The following SLC25A53 variants were observed in gnomAD, a reference collection of about 807,000 sequenced individuals.
The protein encoded by SLC25A53 is mitochondrial carrier triple repeat protein 6.
A neutral mutation model predicts 15.0 loss-of-function variants in SLC25A53; 5 were observed. The observed-to-expected ratio is 0.33, with a 90% CI of 0.17 to 0.70. The LOEUF (loss-of-function observed/expected upper bound fraction) is 0.70, where lower values mean the gene tolerates loss of function less well. Ranked by LOEUF, SLC25A53 falls within the 30% of genes least tolerant of loss-of-function variation. The pLI, the probability that SLC25A53 is intolerant of heterozygous loss-of-function variation, is 0.67. For synonymous variants in SLC25A53, 95 were observed against 100.0 expected (o/e 0.95, Z 0.30); for missense variants, 216 against 241.6 (o/e 0.89, Z 0.70).
Position 104,103,094 on chromosome X carries a change from A to G in SLC25A53, c.*1240T>C, listed in dbSNP as rs1556353446. 1.9e-5 allele frequency: 2 copies of G among 107,535 alleles called. No individual in the cohort carries two copies. The highest frequency in any genetic ancestry group is 3.8e-5 in the Non-Finnish European group (2 of 52,034). The allele number at this position is 107,535 out of a possible 1,213,427, so 8.9% of individuals were successfully genotyped here. ...GGAGGTTGCAGTGAGCTGAGATCAC[A>G]CCATTGGCACTCCAGCCTGGGCAAC... On this transcript the variant is annotated 3_prime_UTR_variant, in exon 2 of 2. Transcript: ENST00000594199.
chrX:104,148,218 G>A (rs34538913), intron 1 of SLC25A53, among the ~76,000 whole-genome samples: 27,630 of 107,133 alleles, frequency 0.26, 3,384 homozygotes, highest in East Asian at 0.54. Flanking sequence ...ATCAAACACC[G>A]CATGTTCTCA....
At chrX:104,138,390 T>TGG (rs1392280838) in intron 1 of SLC25A53, among the ~76,000 whole-genome samples, 1 of 112,117 alleles carries the variant, frequency 8.9e-6, no homozygotes. Flanking sequence ...GGGTGTGCAA[T>TGG]GGGGGGTGTA....
intron 1 of SLC25A53, among the ~76,000 whole-genome samples, chrX:104,147,316 A>C (rs2075470793): frequency 9.0e-6 from 1 of 111,403 alleles, no homozygotes; most frequent in Admixed American, 9.6e-5. Context: ...GATGGATTAA[A>C]GACTTAAACG....
intron 1 of SLC25A53, chrX:104,114,275 C>T: frequency 9.1e-6 from 11 of 1,210,212 alleles, no homozygotes; most frequent in Non-Finnish European, 1.2e-5. Flanking sequence ...GTGGTGCCAG[C>T]CCAGGGGAAA....
At chrX:104,142,364 TCTGATAA>T (rs2075453055) in intron 1 of SLC25A53, among the ~76,000 whole-genome samples, 2 of 112,405 alleles carry the variant, frequency 1.8e-5, no homozygotes, top group Non-Finnish European at 3.8e-5. Context: ...CTTTTCAATC[TCTGATAA>T]CTAAGTACTA....
intron 1 of SLC25A53, among the ~76,000 whole-genome samples, chrX:104,152,234 C>T (rs1484863816): frequency 2.5e-5 from 2 of 79,442 alleles, no homozygotes; most frequent in Admixed American, 3.0e-4. Context: ...CCCCTCCCCC[C>T]ACCCCATGAC....
chrX:104,136,607 TG>T (rs1427716784), intron 1 of SLC25A53, among the ~76,000 whole-genome samples: 2 of 112,340 alleles, frequency 1.8e-5, no homozygotes, highest in African/African-American at 6.5e-5. Context: ...TATCGCCACC[TG>T]GTGGCTATCT....
Position 104,103,388 on chromosome X carries a change from A to G in SLC25A53, c.*946T>C, listed in dbSNP as rs1556353633. The G allele has an allele frequency of 1.8e-5, 2 of 111,828 alleles. No homozygotes were observed. The highest frequency in any genetic ancestry group is 3.8e-5 in the Non-Finnish European group (2 of 53,205). The allele number at this position is 111,828 out of a possible 1,213,427, so 9.2% of individuals were successfully genotyped here. A position where few individuals can be genotyped will look rare whatever the true frequency, so the allele number is the denominator to read the frequency against. On this transcript the variant is annotated 3_prime_UTR_variant, in exon 2 of 2. Transcript: ENST00000594199. ...TCATTATGGCTAGTGTTTGGGGTTT[A>G]TGTAAGTGGAGTGACAATATGTTGA...
intron 1 of SLC25A53, among the ~76,000 whole-genome samples, chrX:104,105,815 T>G (rs1204572076): frequency 8.9e-6 from 1 of 111,767 alleles, no homozygotes; most frequent in Non-Finnish European, 1.9e-5. Flanking sequence ...AAGTTGTAGC[T>G]GTTTCATGGC....
intron 1 of SLC25A53, among the ~76,000 whole-genome samples, chrX:104,118,432 A>C (rs2075384305): frequency 9.0e-6 from 1 of 111,644 alleles, no homozygotes. Context: ...TCCCTTCCTG[A>C]TCCTTCCACA....
chrX:104,126,186 G>C (rs2075410260), intron 1 of SLC25A53, among the ~76,000 whole-genome samples: 1 of 110,983 alleles, frequency 9.0e-6, no homozygotes, highest in Non-Finnish European at 1.9e-5. Flanking sequence ...GCACATGCCT[G>C]CAGTCTTAGC....
At chrX:104,121,209 G>C (rs1401409222) in intron 1 of SLC25A53, among the ~76,000 whole-genome samples, 1 of 111,958 alleles carries the variant, frequency 8.9e-6, no homozygotes, top group East Asian at 2.8e-4. Flanking sequence ...TTCTTCTTTG[G>C]CTTTCTTCAT....
At chrX:104,139,854 A>C (rs1380895740) in intron 1 of SLC25A53, among the ~76,000 whole-genome samples, 3 of 112,333 alleles carry the variant, frequency 2.7e-5, no homozygotes, top group African/African-American at 9.7e-5. Context: ...AAATAAAATA[A>C]AAATAAATAA....
intron 1 of SLC25A53, chrX:104,130,982 G>A (rs1461493189): frequency 8.9e-6 from 1 of 111,871 alleles, no homozygotes; most frequent in Non-Finnish European, 1.9e-5. Context: ...AAGGAATGTG[G>A]GCAAAGCTCA....
chrX:104,141,131 C>T (rs1210870241), intron 1 of SLC25A53, among the ~76,000 whole-genome samples: 3 of 111,690 alleles, frequency 2.7e-5, no homozygotes, highest in African/African-American at 9.8e-5. Context: ...TACCCAAAAG[C>T]TTGCAGCGAT....
intron 1 of SLC25A53, chrX:104,115,912 G>A (rs1433743320): frequency 3.3e-5 from 4 of 119,726 alleles, no homozygotes; most frequent in African/African-American, 1.3e-4. Context: ...GAAGCTATAA[G>A]GGGGGGTCAT....
intron 1 of SLC25A53, among the ~76,000 whole-genome samples, chrX:104,116,791 C>A (rs782813298): frequency 9.0e-6 from 1 of 111,197 alleles, no homozygotes; most frequent in East Asian, 2.9e-4. Context: ...GAGTGCTCTC[C>A]TTCCAGAATC....
At chrX:104,119,345 G>T (rs1283890319) in intron 1 of SLC25A53, among the ~76,000 whole-genome samples, 1 of 111,964 alleles carries the variant, frequency 8.9e-6, no homozygotes, top group Non-Finnish European at 1.9e-5. Flanking sequence ...TTAAACCTCT[G>T]GGTTGGAGAG....
At chrX:104,140,946 T>C (rs1279002237) in intron 1 of SLC25A53, among the ~76,000 whole-genome samples, 2 of 111,288 alleles carry the variant, frequency 1.8e-5, no homozygotes, top group Non-Finnish European at 3.8e-5. Flanking sequence ...TATACACATA[T>C]ATCAAAATTA....
Sources: allele counts gnomAD v4.1 joint callset (sites outside exome capture counted in the v4.1 genomes callset), GRCh38; gene constraint gnomAD v4.1.1; transcripts MANE v1.5; gene names NCBI Gene and HGNC (gene_info 2026-07-23, HGNC 2026-07-21).